The following GRIA4 variants were observed in gnomAD, a reference collection of about 807,000 sequenced individuals.
GRIA4 encodes the protein glutamate receptor 4.
A neutral mutation model predicts 104.0 loss-of-function variants in GRIA4; 34 were observed. The ratio of observed to expected loss-of-function variants is 0.33; its 90% CI spans 0.25 to 0.44. GRIA4 has a LOEUF of 0.44. GRIA4 is among the 20% of genes least tolerant of loss of function. GRIA4 has a pLI of 1.00. For missense variants in GRIA4, 750 were observed against 1,096.5 expected (o/e 0.68, Z 4.46); for synonymous variants, 386 against 381.9 (o/e 1.01, Z -0.13).
chr11:105,715,926 A>G (rs577932128), intron 3 of GRIA4, among the ~76,000 whole-genome samples: 1 of 152,212 alleles, frequency 6.6e-6, no homozygotes, highest in South Asian at 2.1e-4. Context: ...ATTTCTACTC[A>G]ATGCCCAACG....
At position 105,824,007 on chromosome 11, in the gene GRIA4, G is replaced by C. The variant is rs1943673426; in HGVS notation, c.488-38017G>C. Among the ~76,000 whole-genome samples the C allele has an allele frequency of 2.0e-5, 3 of 152,112 alleles. No individual in the cohort carries two copies. In the South Asian group the frequency reaches 6.2e-4, roughly 31 times the overall value. On this transcript the variant is annotated intron_variant, in intron 4 of 16. Coordinates refer to ENST00000282499, the MANE Select transcript of GRIA4 (RefSeq NM_000829.4). ...TGTGCACAAAGGAGAGACCATGTGA[G>C]GATGGAGGGAGAAGGCAGCCATCTG...
intron 11 of GRIA4, among the ~76,000 whole-genome samples, chr11:105,922,362 C>A (rs1025268444): frequency 2.0e-5 from 3 of 152,100 alleles, no homozygotes; most frequent in African/African-American, 7.2e-5. Flanking sequence ...TTTGCATAAT[C>A]TTTCTGAAGA....
intron 3 of GRIA4, among the ~76,000 whole-genome samples, chr11:105,700,032 A>G (rs1392656009): frequency 4.6e-5 from 7 of 152,226 alleles, no homozygotes; most frequent in African/African-American, 1.7e-4. Context: ...ATATTTGTCA[A>G]TTGAATAAAT....
At chr11:105,667,529 A>G (rs772257891) in intron 3 of GRIA4, among the ~76,000 whole-genome samples, 2 of 152,044 alleles carry the variant, frequency 1.3e-5, no homozygotes, top group Non-Finnish European at 2.9e-5. Context: ...GCTCTCTTCC[A>G]TCCTAGTTAT....
intron 3 of GRIA4, among the ~76,000 whole-genome samples, chr11:105,716,538 C>T (rs969097302): frequency 6.6e-6 from 1 of 152,074 alleles, no homozygotes; most frequent in African/African-American, 2.4e-5. Flanking sequence ...AGTGTGCTGT[C>T]CTATTTCTGA....
intron 5 of GRIA4, among the ~76,000 whole-genome samples, chr11:105,865,285 G>T (rs1157689483): frequency 1.3e-5 from 2 of 152,120 alleles, no homozygotes; most frequent in East Asian, 3.9e-4. Flanking sequence ...CACAAAGTTA[G>T]ATTTATTTTG....
At chr11:105,695,790 A>T (rs1466074982) in intron 3 of GRIA4, among the ~76,000 whole-genome samples, 1 of 152,192 alleles carries the variant, frequency 6.6e-6, no homozygotes, top group African/African-American at 2.4e-5. Flanking sequence ...AGGAGCCATT[A>T]CTTAAACCTG....
chr11:105,897,247 G>T (rs1439870571), intron 6 of GRIA4, among the ~76,000 whole-genome samples: 1 of 151,992 alleles, frequency 6.6e-6, no homozygotes, highest in African/African-American at 2.4e-5. Context: ...CAACTGATTT[G>T]GGGGCATTGA....
chr11:105,739,387 C>T (rs1939171574), intron 3 of GRIA4, among the ~76,000 whole-genome samples: 1 of 152,132 alleles, frequency 6.6e-6, no homozygotes, highest in Non-Finnish European at 1.5e-5. Flanking sequence ...TGTACAAGTG[C>T]AGCTCATGAT....
At chr11:105,935,933 C>G (rs949772279) in intron 14 of GRIA4, among the ~76,000 whole-genome samples, 1 of 152,166 alleles carries the variant, frequency 6.6e-6, no homozygotes, top group South Asian at 2.1e-4. Context: ...CTTCCCTGGA[C>G]CTTGTTAATG....
intron 7 of GRIA4, among the ~76,000 whole-genome samples, chr11:105,899,588 G>T (rs1285365915): frequency 1.3e-5 from 2 of 152,098 alleles, no homozygotes; most frequent in African/African-American, 4.8e-5. Flanking sequence ...ATAAATAAAT[G>T]CAGTACAATT....
At chr11:105,663,865 T>A (rs1952085141) in intron 3 of GRIA4, among the ~76,000 whole-genome samples, 1 of 151,784 alleles carries the variant, frequency 6.6e-6, no homozygotes, top group African/African-American at 2.4e-5. Flanking sequence ...GCAGACTTTT[T>A]AAGCTATGTA....
intron 4 of GRIA4, among the ~76,000 whole-genome samples, chr11:105,851,844 C>G (rs1484035022): frequency 2.0e-5 from 3 of 152,156 alleles, no homozygotes; most frequent in African/African-American, 7.2e-5. Context: ...CTTACTACCT[C>G]TTGTCCTTCT....
chr11:105,756,201 C>T (rs980372849), intron 4 of GRIA4, among the ~76,000 whole-genome samples: 13 of 152,160 alleles, frequency 8.5e-5, no homozygotes, highest in Admixed American at 5.9e-4. Flanking sequence ...ATATTGACAT[C>T]AGTTCACAAC....
chr11:105,924,280 C>A, intron 11 of GRIA4, 119 bp from the exon 12 acceptor site: 1 of 673,958 alleles, frequency 1.5e-6, no homozygotes, highest in Non-Finnish European at 2.5e-6. Context: ...ATTGTTGGCA[C>A]TCCAAAAATA....
chr11:105,681,839 C>T (rs968345712), intron 3 of GRIA4, among the ~76,000 whole-genome samples: 2 of 152,004 alleles, frequency 1.3e-5, no homozygotes, highest in African/African-American at 4.8e-5. Flanking sequence ...GTCAGGAGTT[C>T]AAAACCAACC....
chr11:105,854,290 G>T (rs965636161), intron 4 of GRIA4, among the ~76,000 whole-genome samples: 3 of 152,142 alleles, frequency 2.0e-5, no homozygotes, highest in African/African-American at 7.2e-5. Flanking sequence ...ACCCAGAACG[G>T]CCTCACTGAA....
chr11:105,642,444 G>A (rs1951393530), intron 3 of GRIA4, among the ~76,000 whole-genome samples: 2 of 148,700 alleles, frequency 1.3e-5, no homozygotes, highest in Non-Finnish European at 3.0e-5. Context: ...AAGGTTAGAG[G>A]TGACCCTTGC....
intron 13 of GRIA4, among the ~76,000 whole-genome samples, chr11:105,931,223 T>G (rs1947863823): frequency 6.6e-6 from 1 of 151,626 alleles, no homozygotes; most frequent in African/African-American, 2.4e-5. Context: ...AATTTTCTAA[T>G]ATGAGGATTC....
Sources: allele counts gnomAD v4.1 joint callset (sites outside exome capture counted in the v4.1 genomes callset), GRCh38; gene constraint gnomAD v4.1.1; transcripts MANE v1.5; gene names NCBI Gene and HGNC (gene_info 2026-07-23, HGNC 2026-07-21).